RCOR1: variants seen among roughly 807,000 people sequenced by gnomAD.
RCOR1 encodes the protein REST corepressor 1.
RCOR1 carries 12 observed loss-of-function variants against 64.0 expected under a neutral mutation model. The observed-to-expected ratio is 0.19, with a 90% confidence interval of 0.12 to 0.30. The LOEUF (loss-of-function observed/expected upper bound fraction) is 0.30. RCOR1 is among the 10% of genes least tolerant of loss of function. RCOR1 has a pLI of 1.00. For synonymous variants in RCOR1, 279 were observed against 227.2 expected (o/e 1.23, Z -2.05); for missense variants, 502 against 621.2 (o/e 0.81, Z 2.04).
chr14:102,706,114 CAA>C (rs71119732), intron 4 of RCOR1, among the ~76,000 whole-genome samples: 604 of 21,226 alleles, frequency 0.028, 1 homozygote, highest in Admixed American at 0.034. Flanking sequence ...AACCCTGTCT[CAA>C]AAAAAAAAAA....
intron 2 of RCOR1, among the ~76,000 whole-genome samples, chr14:102,667,950 TTC>T (rs1380835783): frequency 9.2e-5 from 14 of 152,188 alleles, no homozygotes; most frequent in Admixed American, 9.2e-4. Flanking sequence ...TATATGCGTA[TTC>T]TGTCTTGAGA....
In RCOR1 at chr14:102,726,930, C is replaced by T; in HGVS notation, c.*424C>T. 1 of 171,870 alleles carries T rather than the reference C, an allele frequency of 5.8e-6. No homozygotes were observed. The highest frequency in any genetic ancestry group is 1.2e-5 in the Non-Finnish European group (1 of 81,482). The allele number at this position is 171,870 out of a possible 1,614,324, so 10.6% of individuals were successfully genotyped here. A position where few individuals can be genotyped will look rare whatever the true frequency, so the allele number is the denominator to read the frequency against. The stretch of plus-strand genomic sequence containing the variant: ...GTGCATAGAGTCATTTTCAGAGTCA[C>T]CGCGACCCTGTTGGCCTTCTAGAAA... On this transcript the variant is annotated 3_prime_UTR_variant, in exon 12 of 12. Coordinates refer to ENST00000262241, the MANE Select transcript of RCOR1 (RefSeq NM_015156.4).
chr14:102,620,253 C>A (rs79240210), intron 2 of RCOR1, among the ~76,000 whole-genome samples: 1,725 of 151,110 alleles, frequency 0.011, 23 homozygotes, highest in African/African-American at 0.034. Flanking sequence ...ACACACACAC[C>A]CCCCCACACC....
At chr14:102,629,933 G>T in intron 2 of RCOR1, 2 of 892,932 alleles carry the variant, frequency 2.2e-6, no homozygotes, top group East Asian at 1.2e-4. Flanking sequence ...AGCTTGAAGT[G>T]ACTTGACTAT....
chr14:102,730,123 T>A lies in RCOR1; in HGVS notation c.*3617T>A, dbSNP rs1240206401. On this transcript the variant is annotated 3_prime_UTR_variant, in exon 12 of 12. Coordinates refer to ENST00000262241, the MANE Select transcript of RCOR1 (RefSeq NM_015156.4). ...TGCATGTTGTGTGATGATGAGTGTT[T>A]ACAGCCACCTTCTCCTAAAACGAAA... 2.5e-6 allele frequency: 1 copy of A among 398,324 alleles called. No homozygotes were observed. Among genetic ancestry groups the A allele is most frequent in the African/African-American group, 2.1e-5 (1 of 48,652 alleles). 24.7% of individuals were successfully genotyped at this position (398,324 alleles called of 1,614,324 possible).
At chr14:102,691,747 T>C (rs989581730) in intron 3 of RCOR1, among the ~76,000 whole-genome samples, 9 of 152,226 alleles carry the variant, frequency 5.9e-5, no homozygotes, top group African/African-American at 2.2e-4. Flanking sequence ...AACAGTAATT[T>C]ACCTTGTAAT....
At chr14:102,657,140 C>T (rs1200338632) in intron 2 of RCOR1, 12 of 960,800 alleles carry the variant, frequency 1.2e-5, no homozygotes, top group African/African-American at 2.2e-5. Flanking sequence ...ACTATGTAAA[C>T]CCAAAACACA....
At chr14:102,683,758 C>G (rs1183036674) in intron 3 of RCOR1, among the ~76,000 whole-genome samples, 1 of 152,242 alleles carries the variant, frequency 6.6e-6, no homozygotes, top group Non-Finnish European at 1.5e-5. Flanking sequence ...TCTCCGCCCT[C>G]GGGCCCAGTG....
intron 10 of RCOR1, 40 bp downstream of exon 10, chr14:102,721,417 G>T (rs1415796620): frequency 6.7e-7 from 1 of 1,492,898 alleles, no homozygotes; most frequent in East Asian, 2.3e-5. Flanking sequence ...GAGGCCGGCT[G>T]TGGTGGCTCA....
At chr14:102,612,747 G>C (rs1893657102) in intron 2 of RCOR1, among the ~76,000 whole-genome samples, 1 of 151,740 alleles carries the variant, frequency 6.6e-6, no homozygotes, top group Non-Finnish European at 1.5e-5. Context: ...CCAGCACTTT[G>C]GGAGACTGAG....
intron 3 of RCOR1, among the ~76,000 whole-genome samples, chr14:102,684,434 A>C (rs1895372641): frequency 6.6e-6 from 1 of 152,186 alleles, no homozygotes; most frequent in Non-Finnish European, 1.5e-5. Context: ...TTTATAGAAT[A>C]CATCTGTCTT....
intron 8 of RCOR1, among the ~76,000 whole-genome samples, chr14:102,716,541 C>A (rs1313010248): frequency 6.6e-6 from 1 of 151,416 alleles, no homozygotes; most frequent in South Asian, 2.1e-4. Context: ...TGTTACATGT[C>A]GGATTAATAG....
At chr14:102,635,934 A>T (rs1308325705) in intron 2 of RCOR1, among the ~76,000 whole-genome samples, 1 of 151,994 alleles carries the variant, frequency 6.6e-6, no homozygotes, top group Non-Finnish European at 1.5e-5. Flanking sequence ...AGAAACATAA[A>T]AGTTTCTCCC....
chr14:102,661,200 T>C (rs766462522), intron 2 of RCOR1, among the ~76,000 whole-genome samples: 17 of 151,936 alleles, frequency 1.1e-4, no homozygotes, highest in South Asian at 2.1e-4. Context: ...TACAAAAAAT[T>C]AGCTGGGCGT....
chr14:102,634,061 A>G (rs1353228944), intron 2 of RCOR1, among the ~76,000 whole-genome samples: 1 of 152,014 alleles, frequency 6.6e-6, no homozygotes, highest in Non-Finnish European at 1.5e-5. Flanking sequence ...TTCCTGAAAC[A>G]TGTTACTCTT....
chr14:102,688,538 T>G (rs963500209), intron 3 of RCOR1, among the ~76,000 whole-genome samples: 1 of 152,120 alleles, frequency 6.6e-6, no homozygotes, highest in African/African-American at 2.4e-5. Context: ...CAATTCCAAG[T>G]CAGAGAAGTT....
chr14:102,656,668 C>G (rs1894730751), intron 2 of RCOR1, among the ~76,000 whole-genome samples: 1 of 152,018 alleles, frequency 6.6e-6, no homozygotes, highest in Non-Finnish European at 1.5e-5. Context: ...GGGGTTTTAC[C>G]ATGTTGGCCA....
rs182012751 is a variant in RCOR1, at chr14:102,701,482, T to G, written c.498+152T>G. 4.6e-4 allele frequency: 254 copies of G among 549,406 alleles called. 1 individual carries two copies. The highest frequency in any genetic ancestry group is 4.1e-3 in the African/African-American group (207 of 50,260). The allele number at this position is 549,406 out of a possible 1,614,324, so 34.0% of individuals were successfully genotyped here. On this transcript the variant is annotated intron_variant, in intron 4 of 11. Coordinates refer to ENST00000262241, the MANE Select transcript of RCOR1 (RefSeq NM_015156.4). ...TAGTGTTACACAAACTCTGGTCTTC[T>G]TTTTCTTGTTCAAGATGAATATTAG...
chr14:102,726,520 T>C lies in RCOR1; in HGVS notation c.*14T>C. 1 of 1,604,526 alleles carries C rather than the reference T, an allele frequency of 6.2e-7. No individual in the cohort carries two copies. The highest frequency in any genetic ancestry group is 8.5e-7 in the Non-Finnish European group (1 of 1,176,262). On this transcript the variant is annotated 3_prime_UTR_variant, in exon 12 of 12. Coordinates refer to ENST00000262241, the MANE Select transcript of RCOR1 (RefSeq NM_015156.4). ...TCTGCCTCCTGAGAAACTGGTGGCT[T>C]TGAACACTTGGTGTGGACTACTGTG...
Sources: gnomAD v4.1 joint callset for allele counts (sites outside exome capture counted in the v4.1 genomes callset) on GRCh38, gnomAD v4.1.1 for gene constraint, MANE v1.5 for transcripts, NCBI Gene and HGNC (gene_info 2026-07-23, HGNC 2026-07-21) for gene names.